MNS1: variants seen among roughly 807,000 people sequenced by gnomAD.
The protein encoded by MNS1 is meiosis-specific nuclear structural protein 1.
Under a neutral mutation model 72.0 loss-of-function variants are expected in MNS1, and 63 were observed. The observed-to-expected ratio is 0.87, with a 90% CI of 0.71 to 1.08. The LOEUF (loss-of-function observed/expected upper bound fraction) is 1.08. Among genes scored for constraint, MNS1 ranks in the 50% least tolerant of loss-of-function variants. The pLI is 0.00. For synonymous variants in MNS1, 188 were observed against 172.1 expected, an observed-to-expected ratio of 1.09 and a Z score of -0.72; for missense variants, 604 against 562.4, an observed-to-expected ratio of 1.07 and a Z score of -0.75.
At chr15:56,449,073 A>G (rs1452292806) in intron 3 of MNS1, among the ~76,000 whole-genome samples, 3 of 152,066 alleles carry the variant, frequency 2.0e-5, no homozygotes, top group African/African-American at 4.8e-5. Flanking sequence ...ATGCTTTTGG[A>G]TGTTCTACAC....
chr15:56,442,611 C>T (rs1387975673), intron 7 of MNS1, among the ~76,000 whole-genome samples: 1 of 152,158 alleles, frequency 6.6e-6, no homozygotes, highest in Non-Finnish European at 1.5e-5. Context: ...AGCTGGAGGC[C>T]ATTAGCCTAT....
intron 3 of MNS1, among the ~76,000 whole-genome samples, chr15:56,455,696 T>C (rs1055016099): frequency 6.6e-6 from 1 of 152,170 alleles, no homozygotes; most frequent in Non-Finnish European, 1.5e-5. Flanking sequence ...AATAGTGTCC[T>C]GTCATCTGGA....
In MNS1 at chr15:56,465,105, G is replaced by C; in HGVS notation, c.-133C>G. The C allele has an allele frequency of 8.2e-7, 1 of 1,212,328 alleles. No individual in the cohort carries two copies. Among genetic ancestry groups the C allele is most frequent in the Non-Finnish European group, 1.2e-6 (1 of 859,094 alleles). 75.1% of individuals were successfully genotyped at this position (1,212,328 alleles called of 1,614,324 possible). On this transcript the variant is annotated 5_prime_UTR_variant, in exon 1 of 10. Coordinates refer to ENST00000260453, the MANE Select transcript of MNS1 (RefSeq NM_018365.4). ...GTGTTTACGCGGCGTCTTGGCAACG[G>C]TGGAGCTGCGCGCCCTCCGCTCGAC...
chr15:56,436,509 G>A (rs542524548), intron 7 of MNS1, among the ~76,000 whole-genome samples: 97 of 152,252 alleles, frequency 6.4e-4, no homozygotes, highest in African/African-American at 2.3e-3. Context: ...AATCAGGAAA[G>A]ATCTAAAATT....
At chr15:56,463,550 G>A (rs1306795632) in intron 2 of MNS1, among the ~76,000 whole-genome samples, 1 of 152,108 alleles carries the variant, frequency 6.6e-6, no homozygotes, top group Non-Finnish European at 1.5e-5. Context: ...TTGGGAGGCC[G>A]AGGCGGGCGG....
intron 8 of MNS1, among the ~76,000 whole-genome samples, chr15:56,433,004 C>T (rs945572532): frequency 2.0e-5 from 3 of 152,118 alleles, no homozygotes; most frequent in Admixed American, 2.0e-4. Flanking sequence ...ACGGATGAGA[C>T]ATAAATAAGT....
At chr15:56,459,970 A>G (rs868090849) in intron 2 of MNS1, among the ~76,000 whole-genome samples, 1 of 129,100 alleles carries the variant, frequency 7.7e-6, no homozygotes, top group South Asian at 2.6e-4. Context: ...AGCCTGGGCA[A>G]CAAGAGCGAA....
intron 8 of MNS1, among the ~76,000 whole-genome samples, chr15:56,433,330 T>G (rs2050650298): frequency 1.3e-5 from 2 of 151,922 alleles, no homozygotes; most frequent in Admixed American, 1.3e-4. Flanking sequence ...AAAACCTAGA[T>G]GACGGGTTGA....
chr15:56,451,650 C>T (rs899315967), intron 3 of MNS1, among the ~76,000 whole-genome samples: 1 of 152,142 alleles, frequency 6.6e-6, no homozygotes, highest in African/African-American at 2.4e-5. Flanking sequence ...TGATTATAGA[C>T]AGTCTCTGAT....
chr15:56,460,410 A>T (rs563609936), intron 2 of MNS1, among the ~76,000 whole-genome samples: 1 of 152,272 alleles, frequency 6.6e-6, no homozygotes, highest in African/African-American at 2.4e-5. Flanking sequence ...AAGGCTAAAA[A>T]CTAAGGATAC....
intron 9 of MNS1, 107 bp from the exon 10 acceptor site, chr15:56,429,300 A>AAATCT: frequency 1.4e-6 from 1 of 691,396 alleles, no homozygotes; most frequent in Non-Finnish European, 2.4e-6. Context: ...CAAGGTAATG[A>AAATCT]AATCTATTCA....
At chr15:56,444,006 A>T in intron 5 of MNS1, 152 bp from the exon 6 acceptor site, 1 of 647,922 alleles carries the variant, frequency 1.5e-6, no homozygotes, top group South Asian at 2.5e-5. Flanking sequence ...TGCTAAATAT[A>T]ATGTCAGGTA....
intron 8 of MNS1, among the ~76,000 whole-genome samples, chr15:56,431,744 T>C (rs2050603084): frequency 6.6e-6 from 1 of 152,024 alleles, no homozygotes; most frequent in African/African-American, 2.4e-5. Context: ...TTCAGGAAAG[T>C]GTCTTCATTA....
chr15:56,458,916 C>A (rs1212198218), intron 2 of MNS1, among the ~76,000 whole-genome samples: 1 of 152,100 alleles, frequency 6.6e-6, no homozygotes, highest in Non-Finnish European at 1.5e-5. Context: ...ATATTATAAA[C>A]ATTTGTGCTA....
At chr15:56,442,011 C>G (rs970435104) in intron 7 of MNS1, among the ~76,000 whole-genome samples, 8 of 151,792 alleles carry the variant, frequency 5.3e-5, no homozygotes, top group African/African-American at 1.9e-4. Flanking sequence ...CAGAGCGAGA[C>G]TCCCATCTCA....
intron 7 of MNS1, among the ~76,000 whole-genome samples, chr15:56,438,998 C>A (rs1223041132): frequency 6.6e-6 from 1 of 151,918 alleles, no homozygotes; most frequent in Non-Finnish European, 1.5e-5. Context: ...GTATACAGAT[C>A]AGAAAGGAAG....
At chr15:56,450,103 A>T (rs1267515536) in intron 3 of MNS1, among the ~76,000 whole-genome samples, 1 of 152,172 alleles carries the variant, frequency 6.6e-6, no homozygotes, top group African/African-American at 2.4e-5. Context: ...TCATTCCAGA[A>T]GAGAATTTGC....
intron 4 of MNS1, among the ~76,000 whole-genome samples, chr15:56,445,262 C>T (rs1294901459): frequency 6.6e-6 from 1 of 152,018 alleles, no homozygotes; most frequent in African/African-American, 2.4e-5. Context: ...GCTTTTAATT[C>T]ACTCAAGACC....
At chr15:56,461,223 C>T (rs1353687426) in intron 2 of MNS1, among the ~76,000 whole-genome samples, 5 of 152,062 alleles carry the variant, frequency 3.3e-5, no homozygotes, top group African/African-American at 9.7e-5. Context: ...AACAACCTCA[C>T]AGAAACACCG....
Sources: gnomAD v4.1 joint callset for allele counts (sites outside exome capture counted in the v4.1 genomes callset) on GRCh38, gnomAD v4.1.1 for gene constraint, MANE v1.5 for transcripts, NCBI Gene and HGNC (gene_info 2026-07-23, HGNC 2026-07-21) for gene names.